The following COL18A1 variants were observed in gnomAD, a reference collection of about 807,000 sequenced individuals.
The protein encoded by COL18A1 is collagen alpha-1(XVIII) chain.
In COL18A1, 133 loss-of-function variants were observed where a neutral mutation model predicts 168.0. The ratio of observed to expected loss-of-function variants is 0.79; its 90% CI spans 0.69 to 0.91. COL18A1 has a LOEUF of 0.91. Among genes scored for constraint, COL18A1 ranks in the 40% least tolerant of loss-of-function variants. The probability of loss-of-function intolerance (pLI) is 0.00; values close to 1 mark genes in which losing one functional copy is unlikely to be tolerated. For synonymous variants in COL18A1, 949 were observed against 809.0 expected (o/e 1.17, Z -2.94); for missense variants, 2,126 against 1,925.4 (o/e 1.10, Z -1.95).
Position 45,505,298 on chromosome 21 carries a change from G to C in COL18A1, c.3013+20G>C, listed in dbSNP as rs921722345. 3.7e-6 allele frequency: 6 copies of C among 1,605,764 alleles called. No homozygotes were observed. The highest frequency in any genetic ancestry group is 1.1e-5 in the South Asian group (1 of 90,798). On this transcript the variant is annotated intron_variant, in intron 35 of 41. Coordinates refer to ENST00000651438, the MANE Select transcript of COL18A1 (RefSeq NM_001379500.1). ...GGCAGAGTAAGTCAGTGGGGAGTGG[G>C]CCCCGGGCAGAGGCCGCCTCGTGTG...
At chr21:45,419,509 G>A (rs1045589092) in intron 2 of COL18A1, among the ~76,000 whole-genome samples, 2 of 152,002 alleles carry the variant, frequency 1.3e-5, no homozygotes, top group East Asian at 1.9e-4. Flanking sequence ...ATCACTGTTC[G>A]GGCCCTGGGG....
At position 45,486,980 on chromosome 21, in the gene COL18A1, C is replaced by G. The variant is rs746821245; in HGVS notation, c.1821C>G (p.Leu607=). 2 of 1,519,244 alleles carry G rather than the reference C, an allele frequency of 1.3e-6. No individual in the cohort carries two copies. The allele number at this position is 1,519,244 out of a possible 1,614,324, so 94.1% of individuals were successfully genotyped here. ...CCCCTGGGCCCCCAGGACCAGGACT[C>G]CCCGCTGGATTTGTGAGTACCGCCT... The part of the protein sequence containing the change: ...PGPPGPPGPG[L]PAGFDDMEGS... Residue 607 remains leucine (L), a synonymous_variant, in exon 16 of 42, where the codon CTC becomes CTG. Coordinates refer to ENST00000651438, the MANE Select transcript of COL18A1 (RefSeq NM_001379500.1).
chr21:45,437,406 T>A (rs796823844), intron 2 of COL18A1, among the ~76,000 whole-genome samples: 66 of 39,676 alleles, frequency 1.7e-3, no homozygotes, highest in Admixed American at 1.7e-3. Flanking sequence ...ACACACACAC[T>A]CACACTCAGA....
At chr21:45,469,553 A>G (rs1000477676) in intron 3 of COL18A1, among the ~76,000 whole-genome samples, 1 of 152,112 alleles carries the variant, frequency 6.6e-6, no homozygotes, top group South Asian at 2.1e-4. Context: ...GTGGGCCTTC[A>G]TTTCTTGGGG....
At chr21:45,439,828 A>G (rs1343791258) in intron 2 of COL18A1, among the ~76,000 whole-genome samples, 1 of 152,134 alleles carries the variant, frequency 6.6e-6, no homozygotes, top group African/African-American at 2.4e-5. Flanking sequence ...TGCGCCCCTG[A>G]GTGCTCAGTG....
chr21:45,458,788 G>A (rs2034939206), intron 2 of COL18A1, among the ~76,000 whole-genome samples: 1 of 152,212 alleles, frequency 6.6e-6, no homozygotes, highest in South Asian at 2.1e-4. Context: ...CGCCAGGCCT[G>A]CACACCTGAC....
At chr21:45,444,876 T>C (rs1204728203) in intron 2 of COL18A1, among the ~76,000 whole-genome samples, 2 of 152,000 alleles carry the variant, frequency 1.3e-5, no homozygotes, top group South Asian at 2.1e-4. Flanking sequence ...ATGAAAAAAA[T>C]CAATCTCACT....
chr21:45,479,191 G>T (rs914253276), intron 9 of COL18A1, among the ~76,000 whole-genome samples: 2 of 150,674 alleles, frequency 1.3e-5, no homozygotes, highest in Non-Finnish European at 3.0e-5. Context: ...TGTGTGGGGG[G>T]GTGAGGATCC....
intron 32 of COL18A1, among the ~76,000 whole-genome samples, chr21:45,501,737 G>A (rs1288244532): frequency 1.6e-4 from 19 of 119,128 alleles, no homozygotes; most frequent in African/African-American, 5.0e-4. Context: ...GACCCCCAGG[G>A]GCTCCACAGC....
chr21:45,500,198 G>GTC (rs2036699821), intron 32 of COL18A1, among the ~76,000 whole-genome samples: 1 of 62,600 alleles, frequency 1.6e-5, no homozygotes, highest in Non-Finnish European at 3.3e-5. Flanking sequence ...TGTGTGTGGA[G>GTC]TGTGTGTGGC....
intron 8 of COL18A1, 71 bp downstream of exon 8, chr21:45,478,036 T>C: frequency 2.3e-6 from 2 of 868,336 alleles, no homozygotes; most frequent in Non-Finnish European, 3.7e-6. Flanking sequence ...GGGGAGAGGC[T>C]GCGGCCGACA....
In COL18A1 at chr21:45,473,927, C is replaced by G. The variant is rs749795378; in HGVS notation, c.684C>G (p.Asp228Glu). The G allele has an allele frequency of 1.9e-6, 3 of 1,606,068 alleles. No homozygotes were observed. In the African/African-American group the frequency reaches 4.0e-5, roughly 21 times the overall value. Residue 228 changes from aspartate (D) to glutamate (E), a missense_variant, in exon 4 of 42, where the codon GAC becomes GAG. Physicochemically the swap from Asp to Glu is conservative, Grantham distance 45. Coordinates refer to ENST00000651438, the MANE Select transcript of COL18A1 (RefSeq NM_001379500.1). This position sits in a 1 kb window ranked among gnomAD's most constrained non-coding sequence, Gnocchi z 4.0. ...TCGCTGAGCTGAAGGTGCGCAGGGACCCCCAGGTGAGCCCCATGCACTGCC... is the reference window on the plus strand; with the variant it reads ...TCGCTGAGCTGAAGGTGCGCAGGGAGCCCCAGGTGAGCCCCATGCACTGCC... ...GVIAELKVRRDPQVSPMHCLD... is the reference protein window; with the variant it reads ...GVIAELKVRREPQVSPMHCLD...
chr21:45,415,476 G>T (rs1476065132), intron 2 of COL18A1, among the ~76,000 whole-genome samples: 1 of 152,194 alleles, frequency 6.6e-6, no homozygotes, highest in African/African-American at 2.4e-5. Flanking sequence ...GGCTGCCACG[G>T]GTGGGGCAGG....
At chr21:45,453,292 G>T (rs2034692325) in intron 2 of COL18A1, among the ~76,000 whole-genome samples, 1 of 152,178 alleles carries the variant, frequency 6.6e-6, no homozygotes, top group Non-Finnish European at 1.5e-5. Context: ...CATGTGTGGG[G>T]GCTTGTGTAT....
chr21:45,457,002 C>A lies in COL18A1; in HGVS notation c.107-11240C>A. 2 of 829,856 alleles carry A rather than the reference C, an allele frequency of 2.4e-6. No homozygotes were observed. Among genetic ancestry groups the A allele is most frequent in the Non-Finnish European group, 1.7e-6 (1 of 588,026 alleles). The allele number at this position is 829,856 out of a possible 1,614,324, so 51.4% of individuals were successfully genotyped here. ...CATCGAATCTCTACGTTCAGGGGCC[C>A]GTGGCCCTCGGGAGGTGGGAGAGCT... On this transcript the variant is annotated intron_variant, in intron 2 of 41. Coordinates refer to ENST00000651438, the MANE Select transcript of COL18A1 (RefSeq NM_001379500.1). The surrounding 1 kb of genome is among the most constrained non-coding windows in gnomAD (Gnocchi z 4.6).
chr21:45,488,512 G>C, intron 18 of COL18A1, 68 bp downstream of exon 18: 1 of 1,610,838 alleles, frequency 6.2e-7, no homozygotes, highest in Non-Finnish European at 8.5e-7. Context: ...CTTGGGGCTG[G>C]GGGAGACAGG....
intron 37 of COL18A1, 199 bp from the exon 38 acceptor site, chr21:45,507,362 G>A (rs1295768553): frequency 1.5e-6 from 1 of 659,918 alleles, no homozygotes. Flanking sequence ...GCACCCTGCT[G>A]TGGACTGGGA....
chr21:45,503,545 C>T (rs2146061605), intron 32 of COL18A1, among the ~76,000 whole-genome samples: 1 of 148,004 alleles, frequency 6.8e-6, no homozygotes, highest in South Asian at 2.1e-4. Flanking sequence ...AACAAAAAAC[C>T]AAACACCGCA....
rs35877455 is a variant in COL18A1, at chr21:45,473,035, G to A, written c.652-860G>A. Among the ~76,000 whole-genome samples the A allele has an allele frequency of 0.019, 2,954 of 152,338 alleles. 32 individuals carry two copies. Among genetic ancestry groups the A allele is most frequent in the Non-Finnish European group, 0.028 (1,927 of 68,026 alleles). On this transcript the variant is annotated intron_variant, in intron 3 of 41. Transcript: ENST00000651438. This position sits in a 1 kb window ranked among gnomAD's most constrained non-coding sequence, Gnocchi z 4.0. The stretch of plus-strand genomic sequence containing the variant: ...TTGGCTCTGAAATCTAGGCCAGGAT[G>A]CAGAACCCGCAGTGCGGCCAGTGGA...
Sources: allele counts gnomAD v4.1 joint callset (sites outside exome capture counted in the v4.1 genomes callset), GRCh38; gene constraint gnomAD v4.1.1; non-coding constraint Gnocchi (gnomAD v3.1); transcripts MANE v1.5; gene names NCBI Gene and HGNC (gene_info 2026-07-23, HGNC 2026-07-21).